RRAGD: variants seen among roughly 807,000 people sequenced by gnomAD.
RRAGD encodes the protein Ras related GTP binding D.
RRAGD carries 12 observed loss-of-function variants against 35.5 expected under a neutral mutation model. That is an observed-to-expected ratio of 0.34 (90% CI 0.22 to 0.55). The LOEUF (loss-of-function observed/expected upper bound fraction) is 0.55. Among genes scored for constraint, RRAGD ranks in the 20% least tolerant of loss-of-function variants. RRAGD has a pLI of 0.91. For synonymous variants in RRAGD, 155 were observed against 178.9 expected, an observed-to-expected ratio of 0.87 and a Z score of 1.07; for missense variants, 324 against 490.1, an observed-to-expected ratio of 0.66 and a Z score of 3.20.
intron 4 of RRAGD, 57 bp from the exon 5 acceptor site, chr6:89,377,870 T>A (rs1768973278): frequency 7.5e-7 from 1 of 1,332,172 alleles, no homozygotes; most frequent in South Asian, 1.4e-5. Flanking sequence ...GACCATGTCA[T>A]GACTACACAA....
intron 1 of RRAGD, among the ~76,000 whole-genome samples, chr6:89,391,904 C>G (rs375178227): frequency 7.0e-6 from 1 of 143,878 alleles, no homozygotes; most frequent in Non-Finnish European, 1.5e-5. Flanking sequence ...CTGCAGTGAG[C>G]TGAGGTCATA....
At chr6:89,377,599 T>A in intron 5 of RRAGD, 72 bp downstream of exon 5, 1 of 1,357,180 alleles carries the variant, frequency 7.4e-7, no homozygotes, top group Non-Finnish European at 9.8e-7. Context: ...TAAGTAAATG[T>A]AAATGCAAAA....
At chr6:89,374,943 G>C (rs1431762601) in intron 5 of RRAGD, among the ~76,000 whole-genome samples, 2 of 152,012 alleles carry the variant, frequency 1.3e-5, no homozygotes, top group Admixed American at 1.3e-4. Flanking sequence ...GTAATGTTCT[G>C]AGAACAAGAA....
intron 1 of RRAGD, among the ~76,000 whole-genome samples, chr6:89,410,285 T>C (rs1769668542): frequency 6.6e-6 from 1 of 152,204 alleles, no homozygotes; most frequent in Admixed American, 6.5e-5. Flanking sequence ...CTTTTTTTCT[T>C]TTTTAAAAAA....
chr6:89,395,052 T>C (rs925665329), intron 1 of RRAGD, among the ~76,000 whole-genome samples: 5 of 150,454 alleles, frequency 3.3e-5, no homozygotes, highest in Non-Finnish European at 7.4e-5. Context: ...AGCCCAAGAG[T>C]TTGAGACCAG....
chr6:89,411,802 G>A lies in RRAGD; in HGVS notation c.148+44C>T. On this transcript the variant is annotated intron_variant, in intron 1 of 6. Coordinates refer to ENST00000369415, the MANE Select transcript of RRAGD (RefSeq NM_021244.5). The surrounding 1 kb of genome is among the most constrained non-coding windows in gnomAD (Gnocchi z 5.6). ...GCTGGGGGCGGGAAGGCGCCAAGGGGAGGAAAGGGGCGCGAGCCGAGGACG... is the reference window on the plus strand; with the variant it reads ...GCTGGGGGCGGGAAGGCGCCAAGGGAAGGAAAGGGGCGCGAGCCGAGGACG... 2 of 1,525,394 alleles carry A rather than the reference G, an allele frequency of 1.3e-6. No individual in the cohort carries two copies. Among genetic ancestry groups the A allele is most frequent in the African/African-American group, 2.8e-5 (2 of 71,944 alleles). The allele number at this position is 1,525,394 out of a possible 1,614,324, so 94.5% of individuals were successfully genotyped here. A position where few individuals can be genotyped will look rare whatever the true frequency, so the allele number is the denominator to read the frequency against.
intron 6 of RRAGD, among the ~76,000 whole-genome samples, chr6:89,371,055 T>TTA (rs1768846744): frequency 6.6e-6 from 1 of 151,430 alleles, no homozygotes; most frequent in Non-Finnish European, 1.5e-5. Flanking sequence ...AAAATATAAA[T>TTA]ATTTTCATAT....
At chr6:89,402,854 C>G (rs1225992430) in intron 1 of RRAGD, among the ~76,000 whole-genome samples, 1 of 152,164 alleles carries the variant, frequency 6.6e-6, no homozygotes, top group Non-Finnish European at 1.5e-5. Flanking sequence ...GCCTTGGCCA[C>G]AGCGAAACAG....
intron 2 of RRAGD, 44 bp downstream of exon 2, chr6:89,387,250 AG>A (rs1291672163): frequency 1.9e-6 from 3 of 1,571,838 alleles, no homozygotes. Flanking sequence ...GGTGGGGTGG[AG>A]GGGACCGGCC....
chr6:89,396,920 T>C (rs896863431), intron 1 of RRAGD, among the ~76,000 whole-genome samples: 3 of 151,352 alleles, frequency 2.0e-5, no homozygotes, highest in Non-Finnish European at 4.4e-5. Flanking sequence ...TTTGTATTTT[T>C]AGTAGAGATG....
chr6:89,368,002 C>T lies in RRAGD; in HGVS notation c.*54G>A, dbSNP rs572773116. The T allele has an allele frequency of 1.8e-5, 26 of 1,469,624 alleles. No homozygotes were observed. In the East Asian group the frequency reaches 2.5e-4, roughly 14 times the overall value. 91.0% of individuals were successfully genotyped at this position (1,469,624 alleles called of 1,614,324 possible). A position where few individuals can be genotyped will look rare whatever the true frequency, so the allele number is the denominator to read the frequency against. On this transcript the variant is annotated 3_prime_UTR_variant, in exon 7 of 7. Transcript: ENST00000369415. ...TTCCTCTTCCTTTAGTGCAACATGG[C>T]GCAGCAGCCTCATGGATAAGGTCTG...
intron 5 of RRAGD, 58 bp from the exon 6 acceptor site, chr6:89,372,643 G>A: frequency 6.7e-7 from 1 of 1,483,908 alleles, no homozygotes; most frequent in Non-Finnish European, 9.0e-7. Context: ...GAAACTGTAA[G>A]CCAGTGACAA....
intron 1 of RRAGD, among the ~76,000 whole-genome samples, chr6:89,398,109 C>A (rs534740932): frequency 6.6e-6 from 1 of 151,232 alleles, no homozygotes; most frequent in African/African-American, 2.4e-5. Context: ...TGCGTCACTG[C>A]GCTCCAGCCT....
chr6:89,393,636 G>A (rs60877384), intron 1 of RRAGD, among the ~76,000 whole-genome samples: 5 of 152,162 alleles, frequency 3.3e-5, no homozygotes, highest in African/African-American at 1.2e-4. Flanking sequence ...ACTATCAGAG[G>A]TGGATACAGT....
At position 89,412,030 on chromosome 6, in the gene RRAGD, G is replaced by T; in HGVS notation, c.-37C>A. ...GCCGGCCGGCCCGGGGACGGCGGGG[G>T]TCCCGGGGTGGGGGCCAAGCCTCCT... On this transcript the variant is annotated 5_prime_UTR_variant, in exon 1 of 7. Coordinates refer to ENST00000369415, the MANE Select transcript of RRAGD (RefSeq NM_021244.5). The surrounding 1 kb of genome is among the most constrained non-coding windows in gnomAD (Gnocchi z 4.2). 6.6e-7 allele frequency: 1 copy of T among 1,514,152 alleles called. No individual in the cohort carries two copies. The highest frequency in any genetic ancestry group is 8.8e-7 in the Non-Finnish European group (1 of 1,136,032). 93.8% of individuals were successfully genotyped at this position (1,514,152 alleles called of 1,614,324 possible).
intron 5 of RRAGD, among the ~76,000 whole-genome samples, chr6:89,375,947 C>T (rs1286130044): frequency 6.6e-6 from 1 of 152,186 alleles, no homozygotes; most frequent in Non-Finnish European, 1.5e-5. Flanking sequence ...CAGCTAATGA[C>T]CATATGGCAC....
chr6:89,393,741 C>T (rs1769280558), intron 1 of RRAGD, among the ~76,000 whole-genome samples: 1 of 152,196 alleles, frequency 6.6e-6, no homozygotes, highest in South Asian at 2.1e-4. Context: ...TAAGAATGTA[C>T]ACCTGAAGAA....
At position 89,380,177 on chromosome 6, in the gene RRAGD, A is replaced by AT; in HGVS notation, c.634dup (p.Ile212AsnfsTer12). On this transcript the variant is annotated frameshift_variant, in exon 3 of 7. Coordinates refer to ENST00000369415, the MANE Select transcript of RRAGD (RefSeq NM_021244.5). LOFTEE classifies it high-confidence loss of function. Reference sequence around the variant, plus strand: ...GGGTTTCTGTTCTCACCTGAGGTGAATTTTTTCTAATCCAGCATCTGCAAG... The same window carrying AT: ...GGGTTTCTGTTCTCACCTGAGGTGAATTTTTTTCTAATCCAGCATCTGCAAG... 6.2e-7 allele frequency: 1 copy of AT among 1,614,094 alleles called. No homozygotes were observed. The highest frequency in any genetic ancestry group is 8.5e-7 in the Non-Finnish European group (1 of 1,180,008).
rs1769718276 is a variant in RRAGD at position 89,412,131 on chromosome 6, G to A, written c.-138C>T. On this transcript the variant is annotated 5_prime_UTR_variant, in exon 1 of 7. Transcript: ENST00000369415. The surrounding 1 kb of genome is among the most constrained non-coding windows in gnomAD (Gnocchi z 4.2). ...GCGGGGCCCGGCGGAAGCGGGGGCC[G>A]CGCGTCCCCCGGCGGGCGGCGCCCA... The A allele has an allele frequency of 2.4e-6, 2 of 830,146 alleles. No individual in the cohort carries two copies. The highest frequency in any genetic ancestry group is 3.5e-5 in the East Asian group (1 of 28,602). The allele number at this position is 830,146 out of a possible 1,614,324, so 51.4% of individuals were successfully genotyped here. A position where few individuals can be genotyped will look rare whatever the true frequency, so the allele number is the denominator to read the frequency against.
Sources: gnomAD v4.1 joint callset for allele counts (sites outside exome capture counted in the v4.1 genomes callset) on GRCh38, gnomAD v4.1.1 for gene constraint, Gnocchi (gnomAD v3.1) non-coding constraint, MANE v1.5 for transcripts, NCBI Gene and HGNC (gene_info 2026-07-23, HGNC 2026-07-21) for gene names.